XIRP2: variants seen among roughly 807,000 people sequenced by gnomAD.
XIRP2 encodes xin actin binding repeat containing 2.
A neutral mutation model predicts 277.0 loss-of-function variants in XIRP2; 236 were observed. That is an observed-to-expected ratio of 0.85 (90% CI 0.77 to 0.95). The LOEUF is 0.95. Among genes scored for constraint, XIRP2 ranks in the 40% least tolerant of loss-of-function variants. The pLI, the probability that XIRP2 is intolerant of heterozygous loss-of-function variation, is 0.00. For synonymous variants in XIRP2, 1,490 were observed against 1,416.5 expected (o/e 1.05, Z -1.17); for missense variants, 4,640 against 4,157.5 (o/e 1.12, Z -3.19).
At chr2:167,150,379 C>T (rs1193099479) in intron 3 of XIRP2, among the ~76,000 whole-genome samples, 3 of 151,926 alleles carry the variant, frequency 2.0e-5, no homozygotes, top group African/African-American at 7.2e-5. Flanking sequence ...GGTCAACCAA[C>T]AGTTCAACAT....
intron 2 of XIRP2, among the ~76,000 whole-genome samples, chr2:166,908,823 A>T (rs1684613299): frequency 1.3e-5 from 2 of 152,006 alleles, no homozygotes; most frequent in Non-Finnish European, 2.9e-5. Flanking sequence ...CCAGTTTCAG[A>T]TTTCTACATA....
intron 2 of XIRP2, among the ~76,000 whole-genome samples, chr2:167,029,304 C>T (rs1291505227): frequency 6.6e-6 from 1 of 151,924 alleles, no homozygotes; most frequent in East Asian, 1.9e-4. Context: ...AAGGAAATGC[C>T]AGCTTTTGTC....
At chr2:167,099,847 A>T (rs1397064149) in intron 2 of XIRP2, among the ~76,000 whole-genome samples, 1 of 151,966 alleles carries the variant, frequency 6.6e-6, no homozygotes, top group East Asian at 1.9e-4. Flanking sequence ...CCACTGTCTA[A>T]CCAGTCCCAA....
intron 2 of XIRP2, among the ~76,000 whole-genome samples, chr2:166,912,612 A>T (rs1168289131): frequency 6.6e-6 from 1 of 152,186 alleles, no homozygotes; most frequent in Non-Finnish European, 1.5e-5. Flanking sequence ...TCAACTCGTC[A>T]AATTCATTCT....
intron 3 of XIRP2, among the ~76,000 whole-genome samples, chr2:167,152,379 A>G (rs541391593): frequency 2.0e-5 from 3 of 151,450 alleles, no homozygotes; most frequent in African/African-American, 4.8e-5. Context: ...TCTTTGTGCT[A>G]TCAGTTCTCT....
chr2:167,225,931 G>A (rs1573973378), intron 5 of XIRP2, among the ~76,000 whole-genome samples: 1 of 152,140 alleles, frequency 6.6e-6, no homozygotes, highest in East Asian at 1.9e-4. Flanking sequence ...AAGCGGAATT[G>A]GAAGACCAAG....
intron 4 of XIRP2, among the ~76,000 whole-genome samples, chr2:167,217,473 A>G (rs1453968683): frequency 6.6e-6 from 1 of 152,060 alleles, no homozygotes; most frequent in Non-Finnish European, 1.5e-5. Flanking sequence ...TAATGAAGAC[A>G]GACAGATGTG....
At chr2:167,064,652 G>T (rs1689257108) in intron 2 of XIRP2, among the ~76,000 whole-genome samples, 1 of 151,780 alleles carries the variant, frequency 6.6e-6, no homozygotes, top group Admixed American at 6.6e-5. Context: ...TCATTAAACA[G>T]CAACTCCCCT....
intron 3 of XIRP2, among the ~76,000 whole-genome samples, chr2:167,143,184 C>A (rs1691770398): frequency 6.6e-6 from 1 of 152,104 alleles, no homozygotes; most frequent in Non-Finnish European, 1.5e-5. Flanking sequence ...GTGCTTGGCA[C>A]TGGGGCTACA....
intron 5 of XIRP2, among the ~76,000 whole-genome samples, chr2:167,232,143 GT>G (rs1319997566): frequency 1.3e-5 from 2 of 151,950 alleles, no homozygotes; most frequent in Non-Finnish European, 2.9e-5. Context: ...AAATCTTAAT[GT>G]TTTTTACTGT....
intron 2 of XIRP2, among the ~76,000 whole-genome samples, chr2:167,051,044 C>T (rs1332073278): frequency 6.6e-6 from 1 of 151,990 alleles, no homozygotes; most frequent in African/African-American, 2.4e-5. Context: ...ACTGTCTGTT[C>T]ATGGAAAACA....
rs566185626 is a variant in XIRP2, at chr2:167,250,196, G to A, written c.8804G>A (p.Arg2935Gln). 37 of 1,613,350 alleles carry A rather than the reference G, an allele frequency of 2.3e-5. No homozygotes were observed. The Admixed American group carries it at 4.5e-4, about 20-fold the overall frequency. ...TTTTCCTCTGTGAAAGAATCCCAGC[G>A]GGATGATGGAAAAGGTGCCTTAAAT... The part of the protein sequence containing the change: ...SFFSSVKESQ[R>Q]DDGKGALNIV... Residue 2935 changes from arginine to glutamine, a missense_variant, in exon 9 of 11, where the codon CGG (arginine) becomes CAG (glutamine). Physicochemically the swap from Arg to Gln is conservative, Grantham distance 43 (BLOSUM62 1). Coordinates refer to ENST00000409195, the MANE Select transcript of XIRP2 (RefSeq NM_152381.6).
intron 1 of XIRP2, among the ~76,000 whole-genome samples, chr2:166,895,587 G>A (rs1012270485): frequency 2.8e-5 from 4 of 144,192 alleles, no homozygotes; most frequent in Non-Finnish European, 6.3e-5. Flanking sequence ...GGCAACGTTT[G>A]CAGCAGGGTC....
intron 3 of XIRP2, among the ~76,000 whole-genome samples, chr2:167,209,019 T>G (rs1693943147): frequency 6.6e-6 from 1 of 152,156 alleles, no homozygotes; most frequent in South Asian, 2.1e-4. Flanking sequence ...GGGAATCTCT[T>G]TTTATCAGAA....
intron 3 of XIRP2, among the ~76,000 whole-genome samples, chr2:167,153,914 G>C (rs1574302981): frequency 6.6e-6 from 1 of 151,364 alleles, no homozygotes; most frequent in East Asian, 1.9e-4. Flanking sequence ...AGTCCTTTGG[G>C]CATATACCCA....
rs79909280 is a variant in XIRP2 at position 166,997,464 on chromosome 2, A to G, written c.408+93574A>G. Reference sequence around the variant, plus strand: ...GAAAATCTGATTCAGTGTATCATTCACATAGAGAATAGGTTCCATTTAATA... The same window carrying G: ...GAAAATCTGATTCAGTGTATCATTCGCATAGAGAATAGGTTCCATTTAATA... On this transcript the variant is annotated intron_variant, in intron 2 of 10. Coordinates refer to ENST00000409195, the MANE Select transcript of XIRP2 (RefSeq NM_152381.6). Among the ~76,000 whole-genome samples the G allele has an allele frequency of 3.1e-3, 479 of 152,358 alleles. 3 individuals are homozygous for G. The highest frequency in any genetic ancestry group is 0.011 in the African/African-American group (454 of 41,586).
At chr2:166,985,435 C>A (rs1474621170) in intron 2 of XIRP2, among the ~76,000 whole-genome samples, 1 of 150,440 alleles carries the variant, frequency 6.6e-6, no homozygotes, top group Non-Finnish European at 1.5e-5. Context: ...AAAATCTTTT[C>A]TTTCTTTTTT....
intron 2 of XIRP2, among the ~76,000 whole-genome samples, chr2:166,918,168 G>A (rs891786183): frequency 6.6e-6 from 1 of 152,142 alleles, no homozygotes; most frequent in Non-Finnish European, 1.5e-5. Flanking sequence ...ATTTCTTCCA[G>A]GTTTTCCACA....
chr2:167,227,963 T>G (rs1694654494), intron 5 of XIRP2, among the ~76,000 whole-genome samples: 1 of 152,178 alleles, frequency 6.6e-6, no homozygotes. Flanking sequence ...TTTGTATCTT[T>G]GATATTTCTG....
Sources: gnomAD v4.1 joint callset for allele counts (sites outside exome capture counted in the v4.1 genomes callset) on GRCh38, gnomAD v4.1.1 for gene constraint, MANE v1.5 for transcripts, NCBI Gene and HGNC (gene_info 2026-07-23, HGNC 2026-07-21) for gene names.